The following FBXL18 variants were observed in gnomAD, a reference collection of about 807,000 sequenced individuals.
The protein encoded by FBXL18 is F-box/LRR-repeat protein 18.
In FBXL18, 36 loss-of-function variants were observed where a neutral mutation model predicts 46.0. That is an observed-to-expected ratio of 0.78 (90% CI 0.60 to 1.03). The LOEUF is 1.03. Among genes scored for constraint, FBXL18 ranks in the 50% least tolerant of loss-of-function variants. The pLI is 0.00. For synonymous variants in FBXL18, 557 were observed against 465.3 expected (o/e 1.20, Z -2.54); for missense variants, 977 against 1,004.1 (o/e 0.97, Z 0.36).
At chr7:5,485,345 T>C (rs1783745415) in intron 4 of FBXL18, among the ~76,000 whole-genome samples, 1 of 152,170 alleles carries the variant, frequency 6.6e-6, no homozygotes, top group Non-Finnish European at 1.5e-5. Context: ...CTTCATAGTC[T>C]GCTACGTACA....
chr7:5,498,815 C>A (rs549588359), intron 3 of FBXL18, among the ~76,000 whole-genome samples: 33 of 152,058 alleles, frequency 2.2e-4, no homozygotes, highest in African/African-American at 6.5e-4. Flanking sequence ...TTAGATGATC[C>A]GCACACCTTG....
Position 5,513,782 on chromosome 7 carries a change from C to A in FBXL18, c.-108G>T, listed in dbSNP as rs189262217. The A allele has an allele frequency of 1.0e-3, 1,451 of 1,447,742 alleles. 22 individuals carry two copies. In the South Asian group the frequency reaches 0.013, roughly 13 times the overall value. 89.7% of individuals were successfully genotyped at this position (1,447,742 alleles called of 1,614,324 possible). On this transcript the variant is annotated 5_prime_UTR_variant, in exon 1 of 5. Transcript: ENST00000382368. ...CGCGTCCACCGCTCAACCGAGACCCCGGCAAGGAGCGGGCTCTCGTCACTT... is the reference window on the plus strand; with the variant it reads ...CGCGTCCACCGCTCAACCGAGACCCAGGCAAGGAGCGGGCTCTCGTCACTT...
chr7:5,505,488 C>G lies in FBXL18; in HGVS notation c.161G>C (p.Arg54Pro), dbSNP rs34161358. 6.2e-7 allele frequency: 1 copy of G among 1,614,176 alleles called. No homozygotes were observed. Among genetic ancestry groups the G allele is most frequent in the Non-Finnish European group, 8.5e-7 (1 of 1,180,034 alleles). ...CAGGGCTGCAAGCTTCCGACAGGTA[C>G]GCCGGACGTTCAGAATCAGATCTGT... ...PSTDLILNVR[R>P]TCRKLAALCL... Residue 54 changes from arginine (R) to proline (P), a missense_variant, in exon 2 of 5, where the codon CGT becomes CCT. Physicochemically the swap from Arg to Pro is moderately radical, Grantham distance 103 (BLOSUM62 -2). Transcript: ENST00000382368.
intron 1 of FBXL18, among the ~76,000 whole-genome samples, chr7:5,508,709 C>T (rs1309792152): frequency 6.6e-6 from 1 of 152,062 alleles, no homozygotes; most frequent in Non-Finnish European, 1.5e-5. Context: ...TCAGGGACAA[C>T]CTTTATCAGA....
intron 3 of FBXL18, among the ~76,000 whole-genome samples, chr7:5,497,261 G>A (rs965318283): frequency 2.6e-5 from 4 of 152,024 alleles, no homozygotes; most frequent in Admixed American, 2.0e-4. Flanking sequence ...TTCTAAAGCA[G>A]GGAGATTCTG....
In FBXL18 at chr7:5,499,287, C is replaced by G. The variant is rs547110339; in HGVS notation, c.1781+1201G>C. On this transcript the variant is annotated intron_variant, in intron 3 of 4. Coordinates refer to ENST00000382368, the MANE Select transcript of FBXL18 (RefSeq NM_024963.6). ...CTGTTGCCCACCTTCCTTGTCTGCC[C>G]CATCTTCCCTACTCCCTCCCACCTC... Among the ~76,000 whole-genome samples, 35 of 152,292 alleles carry G rather than the reference C, an allele frequency of 2.3e-4. No homozygotes were observed. The South Asian group carries it at 3.9e-3, about 17-fold the overall frequency.
At chr7:5,456,614 C>T (rs557466039) in intron 4 of FBXL18, among the ~76,000 whole-genome samples, 3 of 148,892 alleles carry the variant, frequency 2.0e-5, no homozygotes, top group South Asian at 4.2e-4. Context: ...CTGGGGCAGG[C>T]CAAGGGCAGA....
At chr7:5,482,380 G>C (rs573027177) in intron 4 of FBXL18, among the ~76,000 whole-genome samples, 1 of 152,308 alleles carries the variant, frequency 6.6e-6, no homozygotes, top group Admixed American at 6.5e-5. Context: ...GCCACCTCAA[G>C]GGGGTGCGAC....
intron 4 of FBXL18, among the ~76,000 whole-genome samples, chr7:5,483,293 T>C (rs183084390): frequency 4.2e-4 from 59 of 141,618 alleles, no homozygotes; most frequent in Middle Eastern, 4.6e-3. Context: ...ATACAAAAAT[T>C]AGCAAGGCAG....
intron 2 of FBXL18, among the ~76,000 whole-genome samples, chr7:5,504,991 A>G (rs557495080): frequency 2.0e-5 from 3 of 149,686 alleles, no homozygotes; most frequent in South Asian, 4.3e-4. Flanking sequence ...CCAAGTGTTG[A>G]CAAGGCTGCA....
intron 3 of FBXL18, among the ~76,000 whole-genome samples, chr7:5,491,781 C>T (rs749838755): frequency 2.0e-5 from 3 of 152,226 alleles, no homozygotes; most frequent in Non-Finnish European, 2.9e-5. Flanking sequence ...CCCCCAGGCA[C>T]CCTATCTTCC....
Position 5,480,506 on chromosome 7 carries a change from T to C in FBXL18, c.*1269A>G. 1 of 149,138 alleles carries C rather than the reference T, an allele frequency of 6.7e-6. No homozygotes were observed. Among genetic ancestry groups the C allele is most frequent in the African/African-American group, 2.5e-5 (1 of 40,130 alleles). The allele number at this position is 149,138 out of a possible 1,614,324, so 9.2% of individuals were successfully genotyped here. Reference sequence around the variant, plus strand: ...CTGATCTCAAACTCCTGGGCTCAAGTGATCCTCCCAAAGTGTGTTGAATAT... The same window carrying C: ...CTGATCTCAAACTCCTGGGCTCAAGCGATCCTCCCAAAGTGTGTTGAATAT... On this transcript the variant is annotated 3_prime_UTR_variant, in exon 5 of 5. Transcript: ENST00000382368.
intron 4 of FBXL18, among the ~76,000 whole-genome samples, chr7:5,464,024 C>T (rs2128231254): frequency 6.6e-6 from 1 of 152,060 alleles, no homozygotes; most frequent in Middle Eastern, 3.4e-3. Context: ...AGGTGTGAGC[C>T]ACCGCGCACC....
intron 4 of FBXL18, among the ~76,000 whole-genome samples, chr7:5,461,032 T>C (rs1054833521): frequency 6.6e-6 from 1 of 152,252 alleles, no homozygotes; most frequent in African/African-American, 2.4e-5. Flanking sequence ...GTTTGCACCA[T>C]AAATTGCCTT....
chr7:5,482,757 A>T (rs191209008), intron 4 of FBXL18, among the ~76,000 whole-genome samples: 1 of 152,158 alleles, frequency 6.6e-6, no homozygotes, highest in Admixed American at 6.6e-5. Context: ...ATGCAATGCA[A>T]GTGCATTTGT....
chr7:5,480,208 A>C lies in FBXL18; in HGVS notation c.*1567T>G, dbSNP rs1783604314. Among the ~76,000 whole-genome samples the C allele has an allele frequency of 6.6e-6, 1 of 152,174 alleles. No homozygotes were observed. Among genetic ancestry groups the C allele is most frequent in the South Asian group, 2.1e-4 (1 of 4,830 alleles). ...CAGGACGGGGCATCTGTCACACGGA[A>C]ACCCAGGAGGAGGAAGGCGGGCTGG... On this transcript the variant is annotated 3_prime_UTR_variant, in exon 5 of 5. Coordinates refer to ENST00000382368, the MANE Select transcript of FBXL18 (RefSeq NM_024963.6).
chr7:5,473,796 T>G (rs1292096745), downstream of FBXL18, among the ~76,000 whole-genome samples: 1 of 149,718 alleles, frequency 6.7e-6, no homozygotes, highest in African/African-American at 2.5e-5. Flanking sequence ...GCACTGCAGA[T>G]TTCACTCTTT....
At position 5,500,794 on chromosome 7, in the gene FBXL18, C is replaced by T. The variant is rs903185095; in HGVS notation, c.1475G>A (p.Gly492Glu). ...LPFLEHLELI[G>E]SNFSSAMPRN... ...GGGCATGGCGGAGGAGAAGTTGGAC[C>T]CAATCAGCTCGAGGTGTTCCAGGAA... The change falls in exon 3 of 5, where the codon GGG (glycine) becomes GAG (glutamate). Residue 492 changes from glycine (G) to glutamate (E), a missense_variant. Coordinates refer to ENST00000382368, the MANE Select transcript of FBXL18 (RefSeq NM_024963.6). 6.2e-7 allele frequency: 1 copy of T among 1,612,650 alleles called. No homozygotes were observed. The highest frequency in any genetic ancestry group is 2.2e-5 in the East Asian group (1 of 44,862).
chr7:5,463,724 A>AT lies in FBXL18; in HGVS notation c.2001-15882dup, dbSNP rs144459089. On this transcript the variant is annotated intron_variant and NMD_transcript_variant, in intron 4 of 6. Transcript: ENST00000415009. The stretch of plus-strand genomic sequence containing the variant: ...TATATATTTATTTATTTATTTATTT[A>AT]TTTATTTTTTTTTTTTTTTTTTTTT... Among the ~76,000 whole-genome samples the AT allele has an allele frequency of 8.8e-3, 525 of 59,522 alleles. 14 individuals are homozygous for AT. Among genetic ancestry groups the AT allele is most frequent in the African/African-American group, 0.012 (163 of 13,608 alleles). 39.0% of individuals were successfully genotyped at this position (59,522 alleles called of 152,430 possible). A position where few individuals can be genotyped will look rare whatever the true frequency, so the allele number is the denominator to read the frequency against.
Sources: allele counts gnomAD v4.1 joint callset (sites outside exome capture counted in the v4.1 genomes callset), GRCh38; gene constraint gnomAD v4.1.1; transcripts MANE v1.5; gene names NCBI Gene and HGNC (gene_info 2026-07-23, HGNC 2026-07-21).